The following PAK3 variants were observed in gnomAD, a reference collection of about 807,000 sequenced individuals.
PAK3 encodes p21 (RAC1) activated kinase 3, also known as serine/threonine-protein kinase PAK 3.
PAK3 carries 4 observed loss-of-function variants against 41.0 expected under a neutral mutation model. The ratio of observed to expected loss-of-function variants is 0.10; its 90% CI spans 0.05 to 0.22. PAK3 has a LOEUF of 0.22. Among genes scored for constraint, PAK3 ranks in the 10% least tolerant of loss-of-function variants. The pLI is 1.00. For synonymous variants in PAK3, 146 were observed against 139.6 expected (o/e 1.05, Z -0.32); for missense variants, 205 against 409.9 (o/e 0.50, Z 4.32).
chrX:111,163,541 A>C (rs1290190250), intron 9 of PAK3, 21 bp from the exon 10 acceptor site: 2 of 1,168,714 alleles, frequency 1.7e-6, no homozygotes, highest in Non-Finnish European at 2.3e-6. Flanking sequence ...TTTTAATTGC[A>C]GAGCTTTTTG....
chrX:111,152,030 T>C (rs2094035622), intron 7 of PAK3, among the ~76,000 whole-genome samples: 1 of 112,347 alleles, frequency 8.9e-6, no homozygotes, highest in African/African-American at 3.2e-5. Context: ...ATTTTTGATG[T>C]AATATTTTTG....
chrX:111,119,827 C>T (rs1478902881), intron 4 of PAK3, among the ~76,000 whole-genome samples: 1 of 112,249 alleles, frequency 8.9e-6, no homozygotes, highest in African/African-American at 3.2e-5. Flanking sequence ...ACCCTTTCTC[C>T]ATTGGTCTTC....
At chrX:111,024,040 G>T (rs750501033) in intron 1 of PAK3, among the ~76,000 whole-genome samples, 1 of 112,154 alleles carries the variant, frequency 8.9e-6, no homozygotes, top group East Asian at 2.8e-4. Flanking sequence ...TTACATTTAA[G>T]TCTTTAATCC....
intron 16 of PAK3, among the ~76,000 whole-genome samples, chrX:111,213,541 T>C (rs1325511341): frequency 9.0e-6 from 1 of 111,659 alleles, no homozygotes; most frequent in Non-Finnish European, 1.9e-5. Context: ...TATATTAAGC[T>C]AAGAATGGTG....
chrX:111,188,393 G>A (rs1178521255), intron 11 of PAK3, among the ~76,000 whole-genome samples: 1 of 110,336 alleles, frequency 9.1e-6, no homozygotes, highest in African/African-American at 3.3e-5. Flanking sequence ...CCCCTCCCTA[G>A]CTTTAACTGG....
chrX:111,205,812 A>C (rs1276849366), intron 16 of PAK3, among the ~76,000 whole-genome samples: 1 of 111,989 alleles, frequency 8.9e-6, no homozygotes, highest in Non-Finnish European at 1.9e-5. Context: ...TGCATGTTTC[A>C]CAGATCATAT....
chrX:111,001,913 A>C (rs1415625578), intron 1 of PAK3, among the ~76,000 whole-genome samples: 1 of 110,055 alleles, frequency 9.1e-6, no homozygotes, highest in African/African-American at 3.3e-5. Context: ...ATCTTTGACC[A>C]GTCCACACAA....
chrX:110,983,529 CGTGTGTGTGT>C (rs113126993), intron 1 of PAK3, among the ~76,000 whole-genome samples: 1 of 100,257 alleles, frequency 1.0e-5, no homozygotes, highest in Non-Finnish European at 2.0e-5. Flanking sequence ...TGTATGTCTG[CGTGTGTGTGT>C]GTGTGTGTGA....
intron 8 of PAK3, among the ~76,000 whole-genome samples, chrX:111,155,310 G>C (rs1380844152): frequency 9.1e-6 from 1 of 109,781 alleles, no homozygotes; most frequent in Admixed American, 9.8e-5. Context: ...AGAGCAAACT[G>C]GGTAACATGG....
intron 4 of PAK3, among the ~76,000 whole-genome samples, chrX:111,113,235 A>G (rs2093406476): frequency 9.0e-6 from 1 of 111,547 alleles, no homozygotes; most frequent in African/African-American, 3.3e-5. Context: ...GTCCCTCCAA[A>G]GCATCTTGTG....
intron 1 of PAK3, among the ~76,000 whole-genome samples, chrX:111,053,827 A>C (rs1298916172): frequency 8.9e-6 from 1 of 111,942 alleles, no homozygotes; most frequent in African/African-American, 3.3e-5. Flanking sequence ...CCAGGCACTT[A>C]TCCATGCTCC....
intron 1 of PAK3, among the ~76,000 whole-genome samples, chrX:111,046,457 A>C (rs2092499573): frequency 8.9e-6 from 1 of 111,819 alleles, no homozygotes; most frequent in Non-Finnish European, 1.9e-5. Flanking sequence ...TCAGCTTACC[A>C]TATATACTTG....
intron 4 of PAK3, among the ~76,000 whole-genome samples, chrX:111,113,912 G>A (rs1603251734): frequency 8.9e-6 from 1 of 111,790 alleles, no homozygotes; most frequent in Non-Finnish European, 1.9e-5. Flanking sequence ...TGCTCAGAAT[G>A]ATGGTTTCCA....
intron 1 of PAK3, among the ~76,000 whole-genome samples, chrX:111,032,420 T>C (rs1250260444): frequency 8.9e-6 from 1 of 111,953 alleles, no homozygotes; most frequent in Non-Finnish European, 1.9e-5. Context: ...CCTCTGGGTG[T>C]AAGATAATCC....
At chrX:111,098,345 A>T (rs2148879578) in intron 3 of PAK3, among the ~76,000 whole-genome samples, 1 of 109,620 alleles carries the variant, frequency 9.1e-6, no homozygotes, top group South Asian at 4.0e-4. Flanking sequence ...AAAAAAAAAA[A>T]AAATCAGGTG....
At chrX:110,967,738 A>C (rs747538720) in intron 1 of PAK3, among the ~76,000 whole-genome samples, 16 of 112,428 alleles carry the variant, frequency 1.4e-4, no homozygotes, top group Non-Finnish European at 2.6e-4. Context: ...ATAGATTCAC[A>C]GGAAGTTGCC....
chrX:111,163,598 C>T lies in PAK3; in HGVS notation c.637C>T (p.Pro213Ser). Residue 213 changes from proline to serine, a missense_variant, in exon 10 of 18, where the codon CCA becomes TCA. Transcript: ENST00000372007. Reference protein sequence around the residue: ...TRSVVESIASPAVPNKEVTPP... With the variant: ...TRSVVESIASSAVPNKEVTPP... The stretch of plus-strand genomic sequence containing the variant: ...TTCTGTGGTTGAATCCATTGCTTCA[C>T]CAGCAGTACCAAATAAAGAGGTCAC... 8.3e-7 allele frequency: 1 copy of T among 1,201,327 alleles called. No homozygotes were observed. The highest frequency in any genetic ancestry group is 1.1e-6 in the Non-Finnish European group (1 of 886,394).
chrX:110,992,911 C>T (rs1229271604), intron 1 of PAK3, among the ~76,000 whole-genome samples: 2 of 111,656 alleles, frequency 1.8e-5, no homozygotes, highest in Non-Finnish European at 3.8e-5. Context: ...TTATATATCC[C>T]CCAACGTTTC....
chrX:110,982,650 A>G (rs2091467750), intron 1 of PAK3, among the ~76,000 whole-genome samples: 1 of 111,957 alleles, frequency 8.9e-6, no homozygotes, highest in South Asian at 3.7e-4. Flanking sequence ...CAAGGCGACC[A>G]TAGCATGGCA....
Sources: gnomAD v4.1 joint callset for allele counts (sites outside exome capture counted in the v4.1 genomes callset) on GRCh38, gnomAD v4.1.1 for gene constraint, MANE v1.5 for transcripts, NCBI Gene and HGNC (gene_info 2026-07-23, HGNC 2026-07-21) for gene names.